Variants in PRRC2B observed in about 807,000 individuals in gnomAD.
The protein encoded by PRRC2B is protein PRRC2B.
A neutral mutation model predicts 242.3 loss-of-function variants in PRRC2B; 68 were observed. The ratio of observed to expected loss-of-function variants is 0.28; its 90% CI spans 0.23 to 0.34. PRRC2B has a LOEUF of 0.34. Among genes scored for constraint, PRRC2B ranks in the 10% least tolerant of loss-of-function variants. PRRC2B has a pLI of 1.00. For synonymous variants in PRRC2B, 1,228 were observed against 1,173.6 expected, an observed-to-expected ratio of 1.05 and a Z score of -0.95; for missense variants, 2,835 against 2,954.8, an observed-to-expected ratio of 0.96 and a Z score of 0.94.
chr9:131,457,052 A>G (rs1943103220), intron 10 of PRRC2B, among the ~76,000 whole-genome samples: 1 of 152,212 alleles, frequency 6.6e-6, no homozygotes, highest in Non-Finnish European at 1.5e-5. Context: ...TCTGTGAGTC[A>G]TCTTTTTCTT....
At chr9:131,380,416 A>G (rs1836740275) in intron 1 of PRRC2B, among the ~76,000 whole-genome samples, 1 of 151,842 alleles carries the variant, frequency 6.6e-6, no homozygotes, top group South Asian at 2.1e-4. Flanking sequence ...TATCTCTACT[A>G]AAAATACAAC....
At chr9:131,462,319 C>A (rs531660202) in intron 11 of PRRC2B, among the ~76,000 whole-genome samples, 30 of 152,094 alleles carry the variant, frequency 2.0e-4, no homozygotes, top group African/African-American at 7.2e-4. Flanking sequence ...TTCAAGCAGT[C>A]CTTCTGCCTC....
rs1838797883 is a variant in PRRC2B, at chr9:131,446,329, C to T, written c.614-72C>T. On this transcript the variant is annotated intron_variant, in intron 6 of 31. Coordinates refer to ENST00000683519, the MANE Select transcript of PRRC2B (RefSeq NM_013318.4). The surrounding 1 kb of genome is among the most constrained non-coding windows in gnomAD (Gnocchi z 4.1). Reference sequence around the variant, plus strand: ...TTGGTGAAGGAGGGGGTCCCTTGACCTTCAGAACCTCATACGATCCCTCCT... The same window carrying T: ...TTGGTGAAGGAGGGGGTCCCTTGACTTTCAGAACCTCATACGATCCCTCCT... 2 of 1,562,778 alleles carry T rather than the reference C, an allele frequency of 1.3e-6. No homozygotes were observed. Among genetic ancestry groups the T allele is most frequent in the Non-Finnish European group, 8.7e-7 (1 of 1,150,854 alleles).
chr9:131,485,070 C>T lies in PRRC2B; in HGVS notation c.5688C>T (p.Tyr1896=). The change falls in exon 25 of 32, where the codon TAC becomes TAT. Residue 1896 remains tyrosine (Y), a synonymous_variant. Coordinates refer to ENST00000683519, the MANE Select transcript of PRRC2B (RefSeq NM_013318.4). ...SSVGASSGVN[Y]SSFGGVSMPP... is the part of the protein sequence containing the mutation. ...TGGGTGCCTCCAGCGGGGTCAACTACAGCTCCTTCGGTGGAGTGTCCATGC... is the reference window on the plus strand; with the variant it reads ...TGGGTGCCTCCAGCGGGGTCAACTATAGCTCCTTCGGTGGAGTGTCCATGC... 2 of 1,607,840 alleles carry T rather than the reference C, an allele frequency of 1.2e-6. No homozygotes were observed. Among genetic ancestry groups the T allele is most frequent in the Non-Finnish European group, 1.7e-6 (2 of 1,177,034 alleles).
chr9:131,486,898 A>G (rs1944039140), intron 26 of PRRC2B, among the ~76,000 whole-genome samples: 1 of 151,900 alleles, frequency 6.6e-6, no homozygotes, highest in African/African-American at 2.4e-5. Context: ...TGTTTTTGGA[A>G]CTCACCTCTG....
chr9:131,478,735 A>G, intron 18 of PRRC2B, 116 bp downstream of exon 18: 1 of 692,028 alleles, frequency 1.4e-6, no homozygotes, highest in Non-Finnish European at 2.4e-6. Flanking sequence ...GCAGAGAGGA[A>G]GAAAGGAGTA....
intron 1 of PRRC2B, among the ~76,000 whole-genome samples, chr9:131,414,353 A>C (rs113872113): frequency 0.013 from 1,253 of 94,924 alleles, 24 homozygotes; most frequent in African/African-American, 0.035. Flanking sequence ...AAAATCGGAC[A>C]CAGAAAGCAG....
chr9:131,465,036 G>A lies in PRRC2B; in HGVS notation c.1678G>A (p.Glu560Lys), dbSNP rs1943351951. The A allele has an allele frequency of 6.2e-7, 1 of 1,613,972 alleles. No homozygotes were observed. Among genetic ancestry groups the A allele is most frequent in the East Asian group, 2.2e-5 (1 of 44,886 alleles). The change falls in exon 12 of 32, where the codon GAG (glutamate) becomes AAG (lysine). Residue 560 changes from glutamate to lysine, a missense_variant. Glu to Lys is a moderately conservative substitution (Grantham distance 56, BLOSUM62 1). Around this residue, in one of 7 missense-constraint regions of PRRC2B, gnomAD observed 1,536 missense variants for 1,483.1 expected, o/e 1.04. Transcript: ENST00000683519. ...GGAAGTGCCCTGGTCTCCAAGTGCT[G>A]AGAAGGCATCTCCCCAGGAAAACGG... Reference protein sequence around the residue: ...EKEVPWSPSAEKASPQENGPA... With the variant: ...EKEVPWSPSAKKASPQENGPA...
At chr9:131,490,968 T>C in intron 28 of PRRC2B, 1 of 269,706 alleles carries the variant, frequency 3.7e-6, no homozygotes, top group Non-Finnish European at 7.4e-6. Flanking sequence ...CCGAGTGTCC[T>C]GCAGCTGTGT....
chr9:131,460,619 T>C (rs773589602), intron 11 of PRRC2B, among the ~76,000 whole-genome samples: 2 of 152,228 alleles, frequency 1.3e-5, no homozygotes, highest in Non-Finnish European at 2.9e-5. Context: ...GGGAGAAACT[T>C]TGAGACTGAA....
Position 131,495,795 on chromosome 9 carries a change from C to T in PRRC2B, c.6611C>T (p.Ala2204Val), listed in dbSNP as rs776993755. The change falls in exon 32 of 32, where the codon GCC becomes GTC. Residue 2204 changes from alanine to valine, a missense_variant. Ala to Val is a moderately conservative substitution (Grantham distance 64). Around this residue, in one of 7 missense-constraint regions of PRRC2B, gnomAD observed 574 missense variants for 626.0 expected, o/e 0.92. Transcript: ENST00000683519. ...PSLGAVKLQE[A>V]PSAASQMKRT... ...CTGGGAGCCGTGAAGCTGCAGGAGGCCCCCTCGGCTGCCTCCCAGATGAAG... is the reference window on the plus strand; with the variant it reads ...CTGGGAGCCGTGAAGCTGCAGGAGGTCCCCTCGGCTGCCTCCCAGATGAAG... 3.7e-6 allele frequency: 6 copies of T among 1,612,866 alleles called. No homozygotes were observed. In the East Asian group the frequency reaches 1.1e-4, roughly 30 times the overall value.
At chr9:131,389,917 T>G (rs1393004772), upstream of PRRC2B, among the ~76,000 whole-genome samples, 1 of 122,440 alleles carries the variant, frequency 8.2e-6, no homozygotes, top group Non-Finnish European at 1.8e-5. Context: ...ACATGGTTGT[T>G]TTTTTTTTTG....
At chr9:131,459,070 A>G in intron 10 of PRRC2B, 94 bp from the exon 11 acceptor site, 1 of 1,091,200 alleles carries the variant, frequency 9.2e-7, no homozygotes, top group Non-Finnish European at 1.4e-6. Context: ...TGATTTGGAC[A>G]GCTGACTTGG....
chr9:131,385,961 G>A (rs948240513), intron 1 of PRRC2B, among the ~76,000 whole-genome samples: 1 of 150,460 alleles, frequency 6.6e-6, no homozygotes, highest in African/African-American at 2.4e-5. Context: ...CCAAAGTGCT[G>A]GGATTACAGG....
At chr9:131,374,025 C>G (rs1168049694) in intron 1 of PRRC2B, among the ~76,000 whole-genome samples, 1 of 148,414 alleles carries the variant, frequency 6.7e-6, no homozygotes, top group African/African-American at 2.5e-5. Context: ...CGCCACTGCA[C>G]TCCAGCCTGG....
intron 1 of PRRC2B, among the ~76,000 whole-genome samples, chr9:131,419,525 A>T (rs1273717872): frequency 1.3e-5 from 2 of 152,178 alleles, no homozygotes; most frequent in Non-Finnish European, 2.9e-5. Context: ...TGGAGAGATG[A>T]GCACTGTCAA....
At chr9:131,470,436 A>G (rs1943510115) in intron 13 of PRRC2B, among the ~76,000 whole-genome samples, 2 of 152,142 alleles carry the variant, frequency 1.3e-5, no homozygotes, top group Non-Finnish European at 2.9e-5. Context: ...GTAGCTGCAG[A>G]CAAGGAGAGA....
At chr9:131,409,020 CTTT>C (rs1209001135) in intron 1 of PRRC2B, among the ~76,000 whole-genome samples, 3 of 129,182 alleles carry the variant, frequency 2.3e-5, no homozygotes, top group African/African-American at 8.8e-5. Flanking sequence ...CGCTCAGCCA[CTTT>C]TTTTTTTTTT....
In PRRC2B at chr9:131,473,608, C is replaced by T. The variant is rs1418068945; in HGVS notation, c.2208C>T (p.Thr736=). ...CVPPLQERKV[T]PIDSPPVWSP... is the part of the protein sequence containing the mutation. The stretch of plus-strand genomic sequence containing the variant: ...CCCCACTCCAAGAAAGAAAAGTGAC[C>T]CCCATCGACTCACCCCCTGTGTGGA... The change falls in exon 15 of 32, where the codon ACC becomes ACT. Residue 736 remains threonine (T), a synonymous_variant. Coordinates refer to ENST00000683519, the MANE Select transcript of PRRC2B (RefSeq NM_013318.4). 1 of 1,613,196 alleles carries T rather than the reference C, an allele frequency of 6.2e-7. No individual in the cohort carries two copies. The highest frequency in any genetic ancestry group is 8.5e-7 in the Non-Finnish European group (1 of 1,179,610).
Sources: gnomAD v4.1 joint callset for allele counts (sites outside exome capture counted in the v4.1 genomes callset) on GRCh38, gnomAD v4.1.1 for gene constraint, gnomAD v4.1.1 regional missense constraint, Gnocchi (gnomAD v3.1) non-coding constraint, MANE v1.5 for transcripts, NCBI Gene and HGNC (gene_info 2026-07-23, HGNC 2026-07-21) for gene names.